The following P3H2 variants were observed in gnomAD, a reference collection of about 807,000 sequenced individuals.
P3H2 encodes the protein prolyl 3-hydroxylase 2.
P3H2 carries 80 observed loss-of-function variants against 87.0 expected under a neutral mutation model. The observed-to-expected ratio is 0.92, with a 90% CI of 0.77 to 1.11. The LOEUF is 1.11. Among genes scored for constraint, P3H2 ranks in the 50% least tolerant of loss-of-function variants. P3H2 has a pLI of 0.00. For missense variants in P3H2, 1,001 were observed against 923.9 expected (o/e 1.08, Z -1.08); for synonymous variants, 367 against 359.3 (o/e 1.02, Z -0.24).
chr3:190,119,188 AG>A, intron 1 of P3H2, among the ~76,000 whole-genome samples: 1 of 114,458 alleles, frequency 8.7e-6, no homozygotes, highest in African/African-American at 3.8e-5. Flanking sequence ...AGAGGAGAGG[AG>A]AGGAGGGGAG....
chr3:190,096,344 A>C (rs902895421), intron 1 of P3H2, among the ~76,000 whole-genome samples: 1 of 152,142 alleles, frequency 6.6e-6, no homozygotes, highest in Admixed American at 6.5e-5. Context: ...ATAGTGAGTG[A>C]ATTCTCACAA....
At chr3:190,095,598 T>C (rs1452387759) in intron 1 of P3H2, among the ~76,000 whole-genome samples, 3 of 89,160 alleles carry the variant, frequency 3.4e-5, no homozygotes, top group African/African-American at 6.0e-5. Context: ...TTGTGATTCC[T>C]TTTTTTTTTT....
At chr3:190,058,171 C>T (rs988010550) in intron 1 of P3H2, among the ~76,000 whole-genome samples, 9 of 152,102 alleles carry the variant, frequency 5.9e-5, no homozygotes, top group African/African-American at 2.2e-4. Flanking sequence ...CAACACATAA[C>T]CCTAAGGGGC....
intron 1 of P3H2, among the ~76,000 whole-genome samples, chr3:190,008,392 TA>T (rs993874253): frequency 6.0e-4 from 92 of 152,108 alleles, no homozygotes; most frequent in African/African-American, 2.2e-3. Flanking sequence ...TAACGCAAAT[TA>T]AAGTTGCAAA....
At chr3:190,019,181 G>A (rs750542564) in intron 1 of P3H2, among the ~76,000 whole-genome samples, 57 of 152,150 alleles carry the variant, frequency 3.7e-4, no homozygotes, top group Non-Finnish European at 3.8e-4. Context: ...AGAAGCGAGG[G>A]AAACCAAAGA....
chr3:190,055,535 T>C (rs1560381487), intron 1 of P3H2, among the ~76,000 whole-genome samples: 2 of 140,222 alleles, frequency 1.4e-5, no homozygotes, highest in Non-Finnish European at 3.1e-5. Flanking sequence ...TTTTTTTTTT[T>C]TTCTCCTTTC....
At chr3:190,000,847 G>A (rs868843179) in intron 1 of P3H2, among the ~76,000 whole-genome samples, 1 of 152,334 alleles carries the variant, frequency 6.6e-6, no homozygotes, top group Middle Eastern at 3.4e-3. Flanking sequence ...AGTAAAAAAT[G>A]TTAAGGAGGG....
rs3836444 is a variant in P3H2, at chr3:189,994,305, A to AAAACAAAC, written c.634-30_634-23dup. 2,586 of 1,230,454 alleles carry AAAACAAAC rather than the reference A, an allele frequency of 2.1e-3. 16 individuals carry two copies. Among genetic ancestry groups the AAAACAAAC allele is most frequent in the East Asian group, 3.8e-3 (156 of 41,572 alleles). 76.2% of individuals were successfully genotyped at this position (1,230,454 alleles called of 1,614,324 possible). On this transcript the variant is annotated intron_variant, in intron 2 of 14. Coordinates refer to ENST00000319332, the MANE Select transcript of P3H2 (RefSeq NM_018192.4). ...TCTCCTGTAATGAAACAGACGGGAAAAAACAAACAAACAAACAAACAAACA... is the reference window on the plus strand; with the variant it reads ...TCTCCTGTAATGAAACAGACGGGAAAAAACAAACAAACAAACAAACAAACAAACAAACA...
chr3:190,074,275 C>T (rs1024509082), intron 1 of P3H2, among the ~76,000 whole-genome samples: 18 of 152,008 alleles, frequency 1.2e-4, no homozygotes, highest in African/African-American at 4.3e-4. Flanking sequence ...TTCGGGAGGT[C>T]GAGGTGAATG....
chr3:189,977,053 T>A (rs1405109269), intron 8 of P3H2, among the ~76,000 whole-genome samples: 13 of 152,182 alleles, frequency 8.5e-5, no homozygotes, highest in Admixed American at 8.5e-4. Context: ...TAGCCTTAAT[T>A]GAATACAATT....
chr3:190,096,199 T>C (rs1395615052), intron 1 of P3H2, among the ~76,000 whole-genome samples: 1 of 152,216 alleles, frequency 6.6e-6, no homozygotes, highest in Admixed American at 6.5e-5. Context: ...AGTACAATAA[T>C]GAACAATTGG....
intron 1 of P3H2, among the ~76,000 whole-genome samples, chr3:190,038,039 T>C (rs1377840279): frequency 1.3e-5 from 2 of 151,974 alleles, no homozygotes; most frequent in African/African-American, 4.8e-5. Flanking sequence ...TCAGCAAAAA[T>C]AAAACTGAAT....
At chr3:190,025,777 A>T (rs1472639645) in intron 1 of P3H2, among the ~76,000 whole-genome samples, 1 of 152,212 alleles carries the variant, frequency 6.6e-6, no homozygotes, top group Non-Finnish European at 1.5e-5. Flanking sequence ...AATAAACCTC[A>T]GTCGGGAATC....
At chr3:190,018,093 G>A (rs917899837) in intron 1 of P3H2, among the ~76,000 whole-genome samples, 6 of 152,112 alleles carry the variant, frequency 3.9e-5, no homozygotes. Flanking sequence ...ACAAGCAGTT[G>A]GTCAAGAATT....
chr3:190,019,288 A>T (rs1724861855), intron 1 of P3H2, among the ~76,000 whole-genome samples: 1 of 152,182 alleles, frequency 6.6e-6, no homozygotes, highest in African/African-American at 2.4e-5. Context: ...CCCTGGAGTG[A>T]ATGCCACTTC....
intron 4 of P3H2, among the ~76,000 whole-genome samples, chr3:189,988,420 TAATA>T (rs1244033284): frequency 1.3e-5 from 2 of 151,936 alleles, no homozygotes; most frequent in Admixed American, 6.6e-5. Context: ...TATGTGTGTA[TAATA>T]AATACATACA....
At position 190,046,542 on chromosome 3, in the gene P3H2, C is replaced by T. The variant is rs138808477; in HGVS notation, c.481-51100G>A. Among the ~76,000 whole-genome samples the T allele has an allele frequency of 6.4e-3, 972 of 152,196 alleles. 9 individuals are homozygous for T. Among genetic ancestry groups the T allele is most frequent in the Middle Eastern group, 0.01 (3 of 294 alleles). On this transcript the variant is annotated intron_variant, in intron 1 of 14. Transcript: ENST00000319332. Reference sequence around the variant, plus strand: ...CCCTCATCCATTTTGGATGTGTGGGCCACTGTAGCTGTGGATGCTATTGCC... The same window carrying T: ...CCCTCATCCATTTTGGATGTGTGGGTCACTGTAGCTGTGGATGCTATTGCC...
chr3:190,096,084 C>T (rs1727576945), intron 1 of P3H2, among the ~76,000 whole-genome samples: 2 of 152,204 alleles, frequency 1.3e-5, no homozygotes, highest in Non-Finnish European at 2.9e-5. Context: ...CAACACTGCA[C>T]ATCAGCGTGT....
chr3:190,102,641 G>A (rs987625782), intron 1 of P3H2, among the ~76,000 whole-genome samples: 1 of 151,476 alleles, frequency 6.6e-6, no homozygotes, highest in African/African-American at 2.4e-5. Flanking sequence ...ACTACTCCTG[G>A]TGAAGATGCA....
Sources: allele counts gnomAD v4.1 joint callset (sites outside exome capture counted in the v4.1 genomes callset), GRCh38; gene constraint gnomAD v4.1.1; transcripts MANE v1.5; gene names NCBI Gene and HGNC (gene_info 2026-07-23, HGNC 2026-07-21).